Variants in GIGYF1 observed in about 807,000 individuals in gnomAD.
The protein encoded by GIGYF1 is GRB10 interacting GYF protein 1.
Under a neutral mutation model 147.1 loss-of-function variants are expected in GIGYF1, and 84 were observed. The ratio of observed to expected loss-of-function variants is 0.57; its 90% CI spans 0.48 to 0.68. The LOEUF (loss-of-function observed/expected upper bound fraction) is 0.68. GIGYF1 is among the 30% of genes least tolerant of loss of function. The pLI, the probability that GIGYF1 is intolerant of heterozygous loss-of-function variation, is 0.00. For synonymous variants in GIGYF1, 752 were observed against 589.5 expected (o/e 1.28, Z -3.99); for missense variants, 1,485 against 1,393.7 (o/e 1.07, Z -1.04).
chr7:100,686,915 C>T, intron 9 of GIGYF1, 91 bp downstream of exon 9: 2 of 1,604,276 alleles, frequency 1.2e-6, no homozygotes, highest in Admixed American at 1.7e-5. Flanking sequence ...GCCCTCCTGC[C>T]CCCAACACCT....
Position 100,684,506 on chromosome 7 carries a change from T to A in GIGYF1, c.1573A>T (p.Ile525Phe). 6.2e-7 allele frequency: 1 copy of A among 1,613,834 alleles called. No homozygotes were observed. The highest frequency in any genetic ancestry group is 8.5e-7 in the Non-Finnish European group (1 of 1,180,018). ...AAGGGCACGCGGCCCCACATCTTGA[T>A]CACCTCGCCCAGCGGCTGGAAGCCC... Reference protein sequence around the residue: ...DEGFQPLGEVIKMWGRVPFAP... With the variant: ...DEGFQPLGEVFKMWGRVPFAP... Residue 525 changes from isoleucine to phenylalanine, a missense_variant, in exon 16 of 27, where the codon ATC becomes TTC. Ile to Phe is a conservative substitution (Grantham distance 21, BLOSUM62 0). Coordinates refer to ENST00000678049, the MANE Select transcript of GIGYF1 (RefSeq NM_001375765.1).
At chr7:100,689,924 G>A (rs1805694861) in intron 1 of GIGYF1, among the ~76,000 whole-genome samples, 1 of 152,182 alleles carries the variant, frequency 6.6e-6, no homozygotes, top group Admixed American at 6.5e-5. Flanking sequence ...GAGGTCTCTA[G>A]AGCAGTCACT....
chr7:100,682,514 T>G, intron 23 of GIGYF1, 32 bp from the exon 24 acceptor site: 1 of 1,605,772 alleles, frequency 6.2e-7, no homozygotes, highest in East Asian at 2.2e-5. Context: ...GGGTTGGAAA[T>G]CAGCTGGCAG....
intron 18 of GIGYF1, 46 bp downstream of exon 18, chr7:100,683,974 A>AG: frequency 1.4e-6 from 1 of 725,438 alleles, no homozygotes; most frequent in Non-Finnish European, 2.2e-6. Flanking sequence ...GTCTGCCCCC[A>AG]TCCCCCCCCC....
rs1467624464 is a variant in GIGYF1, at chr7:100,681,649, G to A, written c.*70C>T. 10 of 1,441,718 alleles carry A rather than the reference G, an allele frequency of 6.9e-6. No individual in the cohort carries two copies. Among genetic ancestry groups the A allele is most frequent in the South Asian group, 2.8e-5 (2 of 72,524 alleles). The allele number at this position is 1,441,718 out of a possible 1,614,324, so 89.3% of individuals were successfully genotyped here. A position where few individuals can be genotyped will look rare whatever the true frequency, so the allele number is the denominator to read the frequency against. On this transcript the variant is annotated 3_prime_UTR_variant, in exon 27 of 27. Coordinates refer to ENST00000678049, the MANE Select transcript of GIGYF1 (RefSeq NM_001375765.1). ...TGTGCTCTCTGCGGGGAGCCTGCAG[G>A]CTGGGACCCTCGGTCCACGCCGCTG...
At chr7:100,685,313 A>G in intron 13 of GIGYF1, 31 bp downstream of exon 13, 1 of 1,564,346 alleles carries the variant, frequency 6.4e-7, no homozygotes, top group Non-Finnish European at 8.6e-7. Flanking sequence ...GCCCCAGCGC[A>G]CCCGGGAGGT....
chr7:100,680,990 C>T lies in GIGYF1; in HGVS notation c.*729G>A, dbSNP rs908841835. On this transcript the variant is annotated 3_prime_UTR_variant, in exon 27 of 27. Coordinates refer to ENST00000678049, the MANE Select transcript of GIGYF1 (RefSeq NM_001375765.1). ...GAGGTTGGCACGGCTTGGCCCCTCC[C>T]GTCTACTCGGCCAGCACAAGATGGC... 6.5e-6 allele frequency: 1 copy of T among 152,698 alleles called. No homozygotes were observed. Among genetic ancestry groups the T allele is most frequent in the Non-Finnish European group, 1.5e-5 (1 of 68,062 alleles). 9.5% of individuals were successfully genotyped at this position (152,698 alleles called of 1,614,324 possible).
Position 100,683,830 on chromosome 7 carries a change from A to G in GIGYF1, c.1957T>C (p.Ser653Pro). 6.4e-7 allele frequency: 1 copy of G among 1,573,630 alleles called. No individual in the cohort carries two copies. Among genetic ancestry groups the G allele is most frequent in the Non-Finnish European group, 8.6e-7 (1 of 1,158,856 alleles). The change falls in exon 19 of 27, where the codon TCA becomes CCA. Residue 653 changes from serine (S) to proline (P), a missense_variant. Coordinates refer to ENST00000678049, the MANE Select transcript of GIGYF1 (RefSeq NM_001375765.1). ...TCAGGCCACACACCTGACTGTGATG[A>G]GGCTGAGGTATGTACGTCCCAGAGG... The part of the protein sequence containing the change: ...GRLWDVHTSA[S>P]SQSGGEASLW...
At position 100,689,929 on chromosome 7, in the gene GIGYF1, G is replaced by A. The variant is rs1356503717; in HGVS notation, c.-1098-374C>T. ...TCTCTTTCATGAGGTCTCTAGAGCAGTCACTCATTGAGGGAGGAAGGTAGA... is the reference window on the plus strand; with the variant it reads ...TCTCTTTCATGAGGTCTCTAGAGCAATCACTCATTGAGGGAGGAAGGTAGA... On this transcript the variant is annotated intron_variant, in intron 1 of 26. Coordinates refer to ENST00000678049, the MANE Select transcript of GIGYF1 (RefSeq NM_001375765.1). 5.3e-5 allele frequency among the ~76,000 whole-genome samples: 8 copies of A among 152,176 alleles called. No individual in the cohort carries two copies. In the East Asian group the frequency reaches 1.2e-3, roughly 22 times the overall value.
In GIGYF1 at chr7:100,686,836, CAG is replaced by C. The variant is rs754996469; in HGVS notation, c.524-19_524-18del. 135 of 1,613,052 alleles carry C rather than the reference CAG, an allele frequency of 8.4e-5. No individual in the cohort carries two copies. The highest frequency in any genetic ancestry group is 5.2e-4 in the African/African-American group (39 of 75,020). On this transcript the variant is annotated intron_variant, in intron 9 of 26. Coordinates refer to ENST00000678049, the MANE Select transcript of GIGYF1 (RefSeq NM_001375765.1). The stretch of plus-strand genomic sequence containing the variant: ...CACATCGTGCTGGGAGACGGGAAGA[CAG>C]GGGCAGTTATTAGAAAGGCAGCGTG...
In GIGYF1 at chr7:100,687,892, G is replaced by A. The variant is rs375895187; in HGVS notation, c.166-9C>T. On this transcript the variant is annotated splice_polypyrimidine_tract_variant and intron_variant, in intron 5 of 26. Coordinates refer to ENST00000678049, the MANE Select transcript of GIGYF1 (RefSeq NM_001375765.1). ...TGCAGCTCTTCCGGGACCTGGCAGT[G>A]GGTTGGGACAGCCAAGACACCACAT... The A allele has an allele frequency of 6.2e-7, 1 of 1,613,606 alleles. No homozygotes were observed. The highest frequency in any genetic ancestry group is 2.2e-5 in the East Asian group (1 of 44,880).
At chr7:100,685,235 T>G (rs1168779954) in intron 13 of GIGYF1, 89 bp from the exon 14 acceptor site, 75 of 1,522,320 alleles carry the variant, frequency 4.9e-5, no homozygotes, top group Non-Finnish European at 6.4e-5. Flanking sequence ...ACCACGCTCT[T>G]GCCATGGCTC....
rs1248672082 is a variant in GIGYF1, at chr7:100,686,008, A to G, written c.1020T>C (p.Pro340=). ...GCCCTTCCTCCTCTAGCCCTTCGGA[A>G]GGTTCCTCCTCCTCCTCCAACCCTT... ...DFQGLEEEEE[P]SEGLEEEGPE... The change falls in exon 12 of 27, where the codon CCT becomes CCC. Residue 340 remains proline, a synonymous_variant. Coordinates refer to ENST00000678049, the MANE Select transcript of GIGYF1 (RefSeq NM_001375765.1). The G allele has an allele frequency of 2.5e-6, 4 of 1,612,302 alleles. No individual in the cohort carries two copies. Among genetic ancestry groups the G allele is most frequent in the Non-Finnish European group, 3.4e-6 (4 of 1,179,830 alleles).
Position 100,681,664 on chromosome 7 carries a change from C to T in GIGYF1, c.*55G>A, listed in dbSNP as rs1237311879. On this transcript the variant is annotated 3_prime_UTR_variant, in exon 27 of 27. Coordinates refer to ENST00000678049, the MANE Select transcript of GIGYF1 (RefSeq NM_001375765.1). Reference sequence around the variant, plus strand: ...GAGCCTGCAGGCTGGGACCCTCGGTCCACGCCGCTGTGGCTGCCCTGGCCT... The same window carrying T: ...GAGCCTGCAGGCTGGGACCCTCGGTTCACGCCGCTGTGGCTGCCCTGGCCT... The T allele has an allele frequency of 6.0e-6, 9 of 1,494,700 alleles. No homozygotes were observed. Among genetic ancestry groups the T allele is most frequent in the South Asian group, 1.3e-5 (1 of 74,378 alleles). The allele number at this position is 1,494,700 out of a possible 1,614,324, so 92.6% of individuals were successfully genotyped here.
rs769346561 is a variant in GIGYF1 at position 100,680,385 on chromosome 7, G to C, written c.*1334C>G. ...GATGAGAAACCCAAAAGACAAAACT[G>C]TTACAAAACCCAAAATGGGCGGAGA... On this transcript the variant is annotated 3_prime_UTR_variant, in exon 27 of 27. Transcript: ENST00000678049. 4 of 152,544 alleles carry C rather than the reference G, an allele frequency of 2.6e-5. No individual in the cohort carries two copies. The highest frequency in any genetic ancestry group is 2.1e-4 in the South Asian group (1 of 4,828). The allele number at this position is 152,544 out of a possible 1,614,324, so 9.4% of individuals were successfully genotyped here.
chr7:100,686,279 G>A lies in GIGYF1; in HGVS notation c.849C>T (p.Gly283=). Residue 283 remains glycine (G), a synonymous_variant, in exon 11 of 27, where the codon GGC becomes GGT. Transcript: ENST00000678049. ...SHLRRCRAPE[G]FEEDKDGLPE... Reference sequence around the variant, plus strand: ...GGAGCCCATCCTTGTCCTCCTCAAAGCCTTCAGGCGCTCGGCACCGCCGCA... The same window carrying A: ...GGAGCCCATCCTTGTCCTCCTCAAAACCTTCAGGCGCTCGGCACCGCCGCA... The A allele has an allele frequency of 1.2e-6, 2 of 1,614,040 alleles. No homozygotes were observed. Among genetic ancestry groups the A allele is most frequent in the South Asian group, 2.2e-5 (2 of 91,090 alleles).
rs766874506 is a variant in GIGYF1, at chr7:100,684,156, G to C, written c.1732C>G (p.Arg578Gly). The C allele has an allele frequency of 4.4e-6, 7 of 1,608,882 alleles. No homozygotes were observed. Among genetic ancestry groups the C allele is most frequent in the Non-Finnish European group, 5.9e-6 (7 of 1,179,550 alleles). Residue 578 changes from arginine (R) to glycine (G), a missense_variant and splice_region_variant, in exon 18 of 27, where the codon CGC (arginine) becomes GGC (glycine). Physicochemically the swap from Arg to Gly is moderately radical, Grantham distance 125 (BLOSUM62 -2). Transcript: ENST00000678049. ...CGGAGCGCGCACTGTGGGAGCTGGC[G>C]GCTGCAAATGGGACAGTGGAGATGG... ...HQQFLQLVSS[R>G]QLPQCALREK...
Position 100,686,901 on chromosome 7 carries a change from C to T in GIGYF1, c.524-82G>A. ...TCAAGAAACGTTGGGGGGGCCAGCT[C>T]CAGGCCCTCCTGCCCCCAACACCTC... On this transcript the variant is annotated intron_variant, in intron 9 of 26. Transcript: ENST00000678049. The T allele has an allele frequency of 6.2e-6, 10 of 1,602,228 alleles. No homozygotes were observed. In the South Asian group the frequency reaches 1.1e-4, roughly 18 times the overall value.
Position 100,683,180 on chromosome 7 carries a change from G to A in GIGYF1, c.2244C>T (p.Val748=). 6.2e-7 allele frequency: 1 copy of A among 1,606,290 alleles called. No homozygotes were observed. Among genetic ancestry groups the A allele is most frequent in the Non-Finnish European group, 8.5e-7 (1 of 1,179,322 alleles). ...GGGAGCTGGGTGCGGGGGGCACAGG[G>A]ACCGCCTGCTGCTGCTGTAGCAACT... ...LLKLLQQQQA[V]PVPPAPSSPP... is the part of the protein sequence containing the mutation. Residue 748 remains valine, a synonymous_variant, in exon 22 of 27, where the codon GTC becomes GTT. Transcript: ENST00000678049.
Sources: gnomAD v4.1 joint callset for allele counts (sites outside exome capture counted in the v4.1 genomes callset) on GRCh38, gnomAD v4.1.1 for gene constraint, MANE v1.5 for transcripts, NCBI Gene and HGNC (gene_info 2026-07-23, HGNC 2026-07-21) for gene names.